Variants in UGT2A3 observed in about 807,000 individuals in gnomAD.
UGT2A3 encodes the protein UDP glucuronosyltransferase family 2 member A3, also known as UDP-glucuronosyltransferase 2A3.
UGT2A3 carries 55 observed loss-of-function variants against 44.1 expected under a neutral mutation model. The ratio of observed to expected loss-of-function variants is 1.25; its 90% CI spans 1.00 to 1.56. UGT2A3 has a LOEUF of 1.56. Among genes scored for constraint, UGT2A3 ranks in the 40% most tolerant of loss-of-function variants. The pLI is 0.00. For synonymous variants in UGT2A3, 243 were observed against 215.1 expected (o/e 1.13, Z -1.13); for missense variants, 733 against 621.6 (o/e 1.18, Z -1.91).
intron 2 of UGT2A3, among the ~76,000 whole-genome samples, chr4:68,942,469 T>C (rs1320458395): frequency 6.8e-6 from 1 of 146,276 alleles, no homozygotes; most frequent in Non-Finnish European, 1.5e-5. Flanking sequence ...CTATTATATA[T>C]TAACTTTTTT....
intron 2 of UGT2A3, among the ~76,000 whole-genome samples, chr4:68,933,637 A>G (rs1228192013): frequency 1.3e-5 from 2 of 152,056 alleles, no homozygotes; most frequent in Non-Finnish European, 2.9e-5. Flanking sequence ...GAAGGCTAGA[A>G]TCTTTGGTTA....
chr4:68,937,969 A>G (rs1366623019), intron 2 of UGT2A3, among the ~76,000 whole-genome samples: 1 of 152,194 alleles, frequency 6.6e-6, no homozygotes. Context: ...AAAGAAACGG[A>G]TGAATTCCTG....
chr4:68,935,187 A>C (rs1342797216), intron 2 of UGT2A3, among the ~76,000 whole-genome samples: 1 of 149,918 alleles, frequency 6.7e-6, no homozygotes, highest in Non-Finnish European at 1.5e-5. Context: ...CAAAAAGTCA[A>C]AAAGGCAAAA....
intron 2 of UGT2A3, among the ~76,000 whole-genome samples, chr4:68,944,295 G>T (rs1343210547): frequency 6.6e-6 from 1 of 151,718 alleles, no homozygotes; most frequent in African/African-American, 2.4e-5. Flanking sequence ...GGTATAGATT[G>T]CACACTTAGG....
At position 68,929,179 on chromosome 4, in the gene UGT2A3, T is replaced by C. The variant is rs1412808477; in HGVS notation, c.*634A>G. Reference sequence around the variant, plus strand: ...GGCAATCATGAGAAAGGTCTTTTTATCATCAAGAAAACAGAAAAAAGTATT... The same window carrying C: ...GGCAATCATGAGAAAGGTCTTTTTACCATCAAGAAAACAGAAAAAAGTATT... On this transcript the variant is annotated 3_prime_UTR_variant, in exon 6 of 6. Transcript: ENST00000251566. 6.6e-6 allele frequency: 1 copy of C among 152,104 alleles called. No homozygotes were observed. Among genetic ancestry groups the C allele is most frequent in the Admixed American group, 6.6e-5 (1 of 15,252 alleles). The allele number at this position is 152,104 out of a possible 1,614,324, so 9.4% of individuals were successfully genotyped here.
chr4:68,943,525 A>T (rs976869687), intron 2 of UGT2A3: 1 of 266,576 alleles, frequency 3.8e-6, no homozygotes, highest in Non-Finnish European at 6.9e-6. Flanking sequence ...ATAAAATGGG[A>T]AATGAGGGTT....
At position 68,951,169 on chromosome 4, in the gene UGT2A3, C is replaced by T. The variant is rs1279298321; in HGVS notation, c.592G>A (p.Gly198Arg). 15 of 1,611,866 alleles carry T rather than the reference C, an allele frequency of 9.3e-6. 1 individual carries two copies. Among genetic ancestry groups the T allele is most frequent in the Non-Finnish European group, 1.2e-5 (14 of 1,179,000 alleles). ...AGAAAGGTCATTCTGTCTGTTAGTCCTGTCATAGGCACAGGTACATAGGAA... is the reference window on the plus strand; with the variant it reads ...AGAAAGGTCATTCTGTCTGTTAGTCTTGTCATAGGCACAGGTACATAGGAA... ...PLSYVPVPMT[G>R]LTDRMTFLER... is the part of the protein sequence containing the mutation. Residue 198 changes from glycine (G) to arginine (R), a missense_variant, in exon 1 of 6, where the codon GGA becomes AGA. Coordinates refer to ENST00000251566, the MANE Select transcript of UGT2A3 (RefSeq NM_024743.4).
intron 2 of UGT2A3, among the ~76,000 whole-genome samples, chr4:68,935,272 GTATGTATATATATATATATATATATATA>G (rs1186523561): frequency 0.2 from 17,613 of 89,298 alleles, 1,825 homozygotes; most frequent in Admixed American, 0.36. Context: ...ATGTATGTAT[GTATGTATATATATATATATATATATATA>G]TATATATATA....
chr4:68,935,291 T>C lies in UGT2A3; in HGVS notation c.865-2532A>G, dbSNP rs898613745. On this transcript the variant is annotated intron_variant, in intron 2 of 5. Transcript: ENST00000251566. ...ATGTATGTATGTATATATATATATA[T>C]ATATATATATATATATATATATATA... is the stretch of plus-strand genomic sequence containing the variant. 2.5e-5 allele frequency among the ~76,000 whole-genome samples: 2 copies of C among 80,050 alleles called. 1 individual carries two copies. Among genetic ancestry groups the C allele is most frequent in the East Asian group, 6.2e-4 (2 of 3,218 alleles). The allele number at this position is 80,050 out of a possible 152,430, so 52.5% of individuals were successfully genotyped here.
chr4:68,945,234 AG>A (rs1283165085), intron 2 of UGT2A3, 71 bp downstream of exon 2: 1 of 1,555,654 alleles, frequency 6.4e-7, no homozygotes, highest in African/African-American at 1.4e-5. Flanking sequence ...TCTATAACTA[AG>A]GTTGTAATCT....
At chr4:68,931,089 T>A (rs1164902292) in intron 4 of UGT2A3, 66 bp downstream of exon 4, 1 of 1,278,602 alleles carries the variant, frequency 7.8e-7, no homozygotes. Context: ...CTGAATTTGC[T>A]TGCTGTTTAA....
At chr4:68,931,592 T>G (rs2109776697) in intron 3 of UGT2A3, among the ~76,000 whole-genome samples, 1 of 152,216 alleles carries the variant, frequency 6.6e-6, no homozygotes, top group Non-Finnish European at 1.5e-5. Context: ...GTGTGTCATT[T>G]TAACTCATGG....
intron 2 of UGT2A3, among the ~76,000 whole-genome samples, chr4:68,935,923 C>T (rs1274331982): frequency 6.6e-6 from 1 of 151,958 alleles, no homozygotes; most frequent in African/African-American, 2.4e-5. Flanking sequence ...CATGCGCAAG[C>T]TTCAATAGCC....
At chr4:68,930,153 G>A (rs3749511) in intron 5 of UGT2A3, 61 bp from the exon 6 acceptor site, 3 of 1,513,484 alleles carry the variant, frequency 2.0e-6, no homozygotes, top group Non-Finnish European at 1.8e-6. Flanking sequence ...ATAAAAGACA[G>A]GTAGATAAAC....
Position 68,951,349 on chromosome 4 carries a change from G to T in UGT2A3, c.412C>A (p.Leu138Ile). The change falls in exon 1 of 6, where the codon CTA becomes ATA. Residue 138 changes from leucine (L) to isoleucine (I), a missense_variant. Physicochemically the swap from Leu to Ile is conservative, Grantham distance 5 (BLOSUM62 2). Transcript: ENST00000251566. The part of the protein sequence containing the change: ...FIYNQTLMKK[L>I]QETNYDVMLI... ...ATTACATCGTAGTTGGTTTCCTGTA[G>T]CTTCTTCATAAGCGTCTGATTGTAG... is the stretch of plus-strand genomic sequence containing the variant. The T allele has an allele frequency of 6.2e-7, 1 of 1,612,664 alleles. No individual in the cohort carries two copies. Among genetic ancestry groups the T allele is most frequent in the African/African-American group, 1.3e-5 (1 of 74,942 alleles).
At chr4:68,945,206 G>T in intron 2 of UGT2A3, 100 bp downstream of exon 2, 2 of 1,397,056 alleles carry the variant, frequency 1.4e-6, no homozygotes. Flanking sequence ...GCAAACAGAA[G>T]ACATTCAACA....
intron 2 of UGT2A3, among the ~76,000 whole-genome samples, chr4:68,937,883 C>CGA: frequency 6.6e-6 from 1 of 152,028 alleles, no homozygotes; most frequent in East Asian, 1.9e-4. Context: ...GAGGATATCA[C>CGA]CACTGTTCAC....
intron 4 of UGT2A3, 105 bp from the exon 5 acceptor site, chr4:68,930,870 C>T: frequency 9.9e-7 from 1 of 1,007,552 alleles, no homozygotes; most frequent in African/African-American, 1.6e-5. Context: ...CTGAAGCGTA[C>T]AGCACTTTCT....
intron 1 of UGT2A3, among the ~76,000 whole-genome samples, chr4:68,947,454 T>C (rs1718419903): frequency 6.6e-6 from 1 of 151,728 alleles, no homozygotes; most frequent in African/African-American, 2.4e-5. Flanking sequence ...GACCACCCCA[T>C]CCCCAGTTAA....
Sources: allele counts gnomAD v4.1 joint callset (sites outside exome capture counted in the v4.1 genomes callset), GRCh38; gene constraint gnomAD v4.1.1; transcripts MANE v1.5; gene names NCBI Gene and HGNC (gene_info 2026-07-23, HGNC 2026-07-21).